Variants in LIPC observed in about 807,000 individuals in gnomAD.
LIPC encodes the protein lipase C, hepatic type.
In LIPC, 44 loss-of-function variants were observed where a neutral mutation model predicts 50.7. The observed-to-expected ratio is 0.87, with a 90% CI of 0.68 to 1.11. The LOEUF (loss-of-function observed/expected upper bound fraction) is 1.11, where lower values mean the gene tolerates loss of function less well. Ranked by LOEUF, LIPC falls within the 50% of genes most tolerant of loss-of-function variation. LIPC has a pLI of 0.00. For missense variants in LIPC, 697 were observed against 648.2 expected (o/e 1.08, Z -0.82); for synonymous variants, 271 against 256.4 (o/e 1.06, Z -0.54).
chr15:58,493,872 C>G (rs1056355940), intron 1 of LIPC, among the ~76,000 whole-genome samples: 4 of 152,004 alleles, frequency 2.6e-5, no homozygotes, highest in African/African-American at 9.7e-5. Context: ...ATGAGACGCA[C>G]AGGAAGATGG....
At chr15:58,557,379 C>CTT (rs386383140) in intron 6 of LIPC, among the ~76,000 whole-genome samples, 10,305 of 74,138 alleles carry the variant, frequency 0.14, 2,213 homozygotes, top group South Asian at 0.33. Context: ...ATTATATGCT[C>CTT]TTTTTTTTTT....
intron 1 of LIPC, among the ~76,000 whole-genome samples, chr15:58,480,098 A>T (rs1430893604): frequency 1.3e-5 from 2 of 152,176 alleles, no homozygotes; most frequent in Non-Finnish European, 2.9e-5. Flanking sequence ...TTAAAAATTA[A>T]CAGTCTGTTC....
intron 8 of LIPC, chr15:58,565,263 T>C (rs993304086): frequency 2.0e-6 from 3 of 1,535,582 alleles, no homozygotes; most frequent in African/African-American, 1.4e-5. Flanking sequence ...CTTTGGCCCA[T>C]TGGAGCAGCG....
rs7178290 is a variant in LIPC at position 58,514,852 on chromosome 15, C to T, written c.89-23481C>T. ...AAAAGTTAATGCAGAAATAAGGCTGCATATCGGTTTCCTATTGCTTCTGTT... is the reference window on the plus strand; with the variant it reads ...AAAAGTTAATGCAGAAATAAGGCTGTATATCGGTTTCCTATTGCTTCTGTT... On this transcript the variant is annotated intron_variant, in intron 1 of 8. Transcript: ENST00000299022. Among the ~76,000 whole-genome samples, 665 of 152,256 alleles carry T rather than the reference C, an allele frequency of 4.4e-3. 5 individuals are homozygous for T. The highest frequency in any genetic ancestry group is 0.015 in the African/African-American group (639 of 41,554).
intron 4 of LIPC, among the ~76,000 whole-genome samples, chr15:58,544,176 C>T (rs1893440004): frequency 6.6e-6 from 1 of 152,094 alleles, no homozygotes; most frequent in African/African-American, 2.4e-5. Flanking sequence ...ACTGAAGAAG[C>T]AGGGCCAGAG....
rs1306129622 is a variant in LIPC, at chr15:58,449,094, G to T, written c.88+16974G>T. ...CTCAAACACAGGTGGGAGCCCAGGG[G>T]AGGAGGGAGCGATTAGTCATGCTGG... On this transcript the variant is annotated intron_variant, in intron 1 of 8. Transcript: ENST00000299022. Among the ~76,000 whole-genome samples the T allele has an allele frequency of 2.6e-5, 4 of 152,192 alleles. No individual in the cohort carries two copies. The East Asian group carries it at 7.7e-4, about 29-fold the overall frequency.
chr15:58,536,854 C>G (rs1038625079), intron 1 of LIPC, among the ~76,000 whole-genome samples: 27 of 152,190 alleles, frequency 1.8e-4, no homozygotes, highest in African/African-American at 6.5e-4. Context: ...TGAGTTAATA[C>G]CCTTTGGGTA....
chr15:58,530,130 T>C (rs1261279117), intron 1 of LIPC, among the ~76,000 whole-genome samples: 1 of 152,246 alleles, frequency 6.6e-6, no homozygotes, highest in Non-Finnish European at 1.5e-5. Context: ...TTGTTTGAAA[T>C]GCAGGCTGGG....
chr15:58,483,869 C>A (rs1352363092), intron 1 of LIPC, among the ~76,000 whole-genome samples: 9 of 152,264 alleles, frequency 5.9e-5, no homozygotes, highest in Middle Eastern at 6.8e-3. Flanking sequence ...AATCAAATAT[C>A]TTAATTCCCT....
chr15:58,503,564 A>G (rs2140842107), intron 1 of LIPC, among the ~76,000 whole-genome samples: 1 of 152,318 alleles, frequency 6.6e-6, no homozygotes, highest in Admixed American at 6.5e-5. Context: ...ACATTCAAAC[A>G]GGCAGCACCC....
chr15:58,506,444 G>C (rs957093110), intron 1 of LIPC, among the ~76,000 whole-genome samples: 1 of 152,172 alleles, frequency 6.6e-6, no homozygotes, highest in East Asian at 1.9e-4. Flanking sequence ...TCCAGATCAG[G>C]AGAGAGGCCT....
intron 1 of LIPC, among the ~76,000 whole-genome samples, chr15:58,490,405 A>G (rs1426041903): frequency 1.3e-5 from 2 of 152,188 alleles, no homozygotes; most frequent in Non-Finnish European, 2.9e-5. Context: ...CATATTTCTT[A>G]CAGGGCTCTT....
intron 1 of LIPC, among the ~76,000 whole-genome samples, chr15:58,508,726 T>A (rs1370320046): frequency 1.7e-5 from 1 of 57,156 alleles, no homozygotes; most frequent in Non-Finnish European, 3.6e-5. Flanking sequence ...TAGTCCCAGT[T>A]TTTTTTTGGA....
At chr15:58,446,115 A>G (rs930320736) in intron 1 of LIPC, among the ~76,000 whole-genome samples, 1 of 152,224 alleles carries the variant, frequency 6.6e-6, no homozygotes, top group Non-Finnish European at 1.5e-5. Flanking sequence ...AGAGGGGGAA[A>G]GGAAGAGAGA....
At chr15:58,444,121 C>A (rs554428128) in intron 1 of LIPC, among the ~76,000 whole-genome samples, 1 of 152,148 alleles carries the variant, frequency 6.6e-6, no homozygotes, top group Admixed American at 6.5e-5. Flanking sequence ...TTCCTGCCTG[C>A]GACACAGGTC....
At position 58,443,264 on chromosome 15, in the gene LIPC, G is replaced by A. The variant is rs566104743; in HGVS notation, c.88+11144G>A. ...CTGGGACATATTCTCAACTTCCGTG[G>A]GTCTGGCCACTACTTATCAGAAGTT... On this transcript the variant is annotated intron_variant, in intron 1 of 8. Transcript: ENST00000299022. Among the ~76,000 whole-genome samples the A allele has an allele frequency of 3.8e-4, 58 of 152,230 alleles. No individual in the cohort carries two copies. The South Asian group carries it at 0.012, about 32-fold the overall frequency.
At chr15:58,442,878 G>A (rs1328484168) in intron 1 of LIPC, among the ~76,000 whole-genome samples, 1 of 152,174 alleles carries the variant, frequency 6.6e-6, no homozygotes, top group Non-Finnish European at 1.5e-5. Flanking sequence ...GAGCCCACAT[G>A]GGTATCTGAG....
At position 58,453,163 on chromosome 15, in the gene LIPC, C is replaced by T. The variant is rs906234931; in HGVS notation, c.88+21043C>T. ...CACTGCCTCATAGTATTTCTTCTCC[C>T]CGCTTGGCTGAGCCTCCTCTCTTCA... On this transcript the variant is annotated intron_variant, in intron 1 of 8. Coordinates refer to ENST00000299022, the MANE Select transcript of LIPC (RefSeq NM_000236.3). Among the ~76,000 whole-genome samples the T allele has an allele frequency of 4.6e-5, 7 of 152,268 alleles. 1 individual carries two copies. The highest frequency in any genetic ancestry group is 8.8e-5 in the Non-Finnish European group (6 of 68,026).
At chr15:58,557,598 G>T (rs1482109094) in intron 6 of LIPC, among the ~76,000 whole-genome samples, 1 of 151,916 alleles carries the variant, frequency 6.6e-6, no homozygotes, top group Non-Finnish European at 1.5e-5. Flanking sequence ...TGTTAGCCAG[G>T]ATGGTCTCGA....
Sources: gnomAD v4.1 joint callset for allele counts (sites outside exome capture counted in the v4.1 genomes callset) on GRCh38, gnomAD v4.1.1 for gene constraint, MANE v1.5 for transcripts, NCBI Gene and HGNC (gene_info 2026-07-23, HGNC 2026-07-21) for gene names.